ANKS1B: variants seen among roughly 807,000 people sequenced by gnomAD.
ANKS1B encodes the protein ankyrin repeat and sterile alpha motif domain containing 1B, also known as ankyrin repeat and sterile alpha motif domain-containing protein 1B.
In ANKS1B, 36 loss-of-function variants were observed where a neutral mutation model predicts 148.3. The observed-to-expected ratio is 0.24, with a 90% CI of 0.19 to 0.32. The LOEUF is 0.32. ANKS1B is among the 10% of genes least tolerant of loss of function. ANKS1B has a pLI of 1.00. For synonymous variants in ANKS1B, 542 were observed against 560.8 expected (o/e 0.97, Z 0.47); for missense variants, 1,157 against 1,542.6 (o/e 0.75, Z 4.19).
At chr12:99,134,749 C>G (rs1474208009) in intron 15 of ANKS1B, among the ~76,000 whole-genome samples, 1 of 151,018 alleles carries the variant, frequency 6.6e-6, no homozygotes, top group Non-Finnish European at 1.5e-5. Flanking sequence ...AAGGCTAACT[C>G]TCTAAAGACA....
At chr12:99,109,191 G>C (rs2059808541) in intron 15 of ANKS1B, among the ~76,000 whole-genome samples, 2 of 151,898 alleles carry the variant, frequency 1.3e-5, no homozygotes, top group African/African-American at 2.4e-5. Flanking sequence ...ATCAGCACTT[G>C]CTAGCTTCTG....
intron 10 of ANKS1B, among the ~76,000 whole-genome samples, chr12:99,497,250 T>G (rs948350644): frequency 6.6e-6 from 1 of 152,224 alleles, no homozygotes; most frequent in Non-Finnish European, 1.5e-5. Flanking sequence ...CAGTATTTTC[T>G]TTAGACAATG....
intron 9 of ANKS1B, among the ~76,000 whole-genome samples, chr12:98,737,141 T>A (rs1414195726): frequency 6.6e-6 from 1 of 152,194 alleles, no homozygotes; most frequent in Non-Finnish European, 1.5e-5. Context: ...CCCTCCTCTT[T>A]GCCTGGCAAC....
chr12:99,657,327 G>T (rs1293730165), intron 8 of ANKS1B, among the ~76,000 whole-genome samples: 1 of 152,138 alleles, frequency 6.6e-6, no homozygotes, highest in African/African-American at 2.4e-5. Context: ...ACTACATTCT[G>T]TGACCACTCC....
intron 11 of ANKS1B, among the ~76,000 whole-genome samples, chr12:99,408,230 C>T (rs371991054): frequency 1.4e-5 from 2 of 145,452 alleles, no homozygotes; most frequent in East Asian, 3.9e-4. Context: ...ACAAAGGTGT[C>T]AAGAACATAC....
chr12:98,875,962 C>A (rs562453919), intron 17 of ANKS1B, among the ~76,000 whole-genome samples: 25 of 152,238 alleles, frequency 1.6e-4, no homozygotes, highest in Non-Finnish European at 2.8e-4. Context: ...ATTCATCTGG[C>A]CTACAAAATA....
At chr12:99,247,734 C>T (rs1158540896) in intron 12 of ANKS1B, among the ~76,000 whole-genome samples, 1 of 152,110 alleles carries the variant, frequency 6.6e-6, no homozygotes, top group Non-Finnish European at 1.5e-5. Flanking sequence ...CTTTCAAAGA[C>T]ATACTGTGTA....
intron 9 of ANKS1B, among the ~76,000 whole-genome samples, chr12:99,518,778 T>C (rs11109890): frequency 0.064 from 9,713 of 152,182 alleles, 976 homozygotes; most frequent in African/African-American, 0.22. Context: ...TTAAATTTGG[T>C]TTGCTCTAGC....
At chr12:99,555,048 C>A (rs913046427) in intron 9 of ANKS1B, among the ~76,000 whole-genome samples, 3 of 152,104 alleles carry the variant, frequency 2.0e-5, no homozygotes, top group Non-Finnish European at 2.9e-5. Flanking sequence ...TTTCTTTATC[C>A]AGTCTACCAT....
intron 22 of ANKS1B, among the ~76,000 whole-genome samples, chr12:98,789,053 T>C (rs2098823337): frequency 6.6e-6 from 1 of 152,158 alleles, no homozygotes; most frequent in South Asian, 2.1e-4. Flanking sequence ...GTACCCAGAA[T>C]AGATGTTGGC....
chr12:99,969,672 T>C (rs2095534642), intron 1 of ANKS1B, among the ~76,000 whole-genome samples: 1 of 152,202 alleles, frequency 6.6e-6, no homozygotes, highest in African/African-American at 2.4e-5. Flanking sequence ...GGAACTGAAA[T>C]ATATTACTAT....
At chr12:99,634,176 T>C (rs563352232) in intron 9 of ANKS1B, among the ~76,000 whole-genome samples, 1 of 152,284 alleles carries the variant, frequency 6.6e-6, no homozygotes, top group Admixed American at 6.5e-5. Context: ...TTAAGAGGTG[T>C]TGGGTCATGA....
At chr12:99,848,135 A>T (rs78581665) in intron 1 of ANKS1B, among the ~76,000 whole-genome samples, 3,289 of 152,100 alleles carry the variant, frequency 0.022, 124 homozygotes, top group African/African-American at 0.074. Context: ...CCTGAGGCTG[A>T]CTGCATGGTG....
In ANKS1B at chr12:99,775,604, G is replaced by A. The variant is rs1208191495; in HGVS notation, c.905C>T (p.Ala302Val). ...TVLEEPVQEDATQETHISSPV... is the reference protein window; with the variant it reads ...TVLEEPVQEDVTQETHISSPV... ...AGATGAAATGTGTGTTTCTTGTGTT[G>A]CATCTTCCTGTACAGGCTCTTCGAG... is the stretch of plus-strand genomic sequence containing the variant. Residue 302 changes from alanine to valine, a missense_variant, in exon 7 of 27, where the codon GCA becomes GTA. This residue lies in a region of ANKS1B where 661 missense variants were observed against 642.1 expected (regional missense o/e 1.03). Coordinates refer to ENST00000683438, the MANE Select transcript of ANKS1B (RefSeq NM_001352186.2). 2 of 1,613,064 alleles carry A rather than the reference G, an allele frequency of 1.2e-6. No individual in the cohort carries two copies. Among genetic ancestry groups the A allele is most frequent in the South Asian group, 1.1e-5 (1 of 90,948 alleles).
At chr12:98,823,787 T>G (rs1009805823) in intron 19 of ANKS1B, among the ~76,000 whole-genome samples, 4 of 152,256 alleles carry the variant, frequency 2.6e-5, no homozygotes, top group African/African-American at 9.6e-5. Context: ...CCACGGTGCC[T>G]GGCCAAAAAA....
chr12:99,755,226 A>G (rs1211423486), intron 8 of ANKS1B, among the ~76,000 whole-genome samples: 2 of 152,130 alleles, frequency 1.3e-5, no homozygotes, highest in Non-Finnish European at 2.9e-5. Flanking sequence ...GAACACCTCT[A>G]TGCACATAAA....
chr12:99,468,629 G>A (rs1053301782), intron 10 of ANKS1B, among the ~76,000 whole-genome samples: 12 of 152,156 alleles, frequency 7.9e-5, no homozygotes, highest in African/African-American at 2.7e-4. Context: ...AGTGGGCAAA[G>A]GATATGAACA....
At chr12:99,209,375 AC>A (rs957270444) in intron 14 of ANKS1B, among the ~76,000 whole-genome samples, 112 of 152,238 alleles carry the variant, frequency 7.4e-4, no homozygotes, top group African/African-American at 2.6e-3. Context: ...TAGAAGAAAA[AC>A]TGTAGTACCA....
At chr12:99,689,261 A>C (rs1487164543) in intron 8 of ANKS1B, among the ~76,000 whole-genome samples, 4 of 152,370 alleles carry the variant, frequency 2.6e-5, no homozygotes, top group African/African-American at 9.6e-5. Flanking sequence ...TGGATTGTTA[A>C]GACAAATCTC....
Sources: allele counts gnomAD v4.1 joint callset (sites outside exome capture counted in the v4.1 genomes callset), GRCh38; gene constraint gnomAD v4.1.1; regional missense constraint gnomAD v4.1.1; transcripts MANE v1.5; gene names NCBI Gene and HGNC (gene_info 2026-07-23, HGNC 2026-07-21).